AGAP1: variants seen among roughly 807,000 people sequenced by gnomAD.
AGAP1 encodes ArfGAP with GTPase domain, ankyrin repeat and PH domain 1.
In AGAP1, 29 loss-of-function variants were observed where a neutral mutation model predicts 105.3. The ratio of observed to expected loss-of-function variants is 0.28; its 90% CI spans 0.21 to 0.38. The LOEUF is 0.38. Ranked by LOEUF, AGAP1 falls within the 10% of genes least tolerant of loss-of-function variation. The probability of loss-of-function intolerance (pLI) is 1.00; values close to 1 mark genes in which losing one functional copy is unlikely to be tolerated. For missense variants in AGAP1, 998 were observed against 1,165.1 expected, an observed-to-expected ratio of 0.86 and a Z score of 2.09; for synonymous variants, 509 against 485.9, an observed-to-expected ratio of 1.05 and a Z score of -0.63.
At chr2:235,770,834 T>G (rs1008669437) in intron 6 of AGAP1, among the ~76,000 whole-genome samples, 1 of 152,118 alleles carries the variant, frequency 6.6e-6, no homozygotes, top group Non-Finnish European at 1.5e-5. Context: ...AGCAGGAAGA[T>G]GGGGTCCCAA....
Position 235,883,428 on chromosome 2 carries a change from G to T in AGAP1, c.1134G>T (p.Leu378=). 2 of 1,614,088 alleles carry T rather than the reference G, an allele frequency of 1.2e-6. No homozygotes were observed. Among genetic ancestry groups the T allele is most frequent in the South Asian group, 1.1e-5 (1 of 91,064 alleles). The part of the protein sequence containing the change: ...KYVTLCDNGV[L]TYHPSLHDYM... ...TCACCCTGTGTGACAATGGCGTGCT[G>T]ACCTATCATCCCAGTTTACATGTGA... is the stretch of plus-strand genomic sequence containing the variant. Residue 378 remains leucine, a synonymous_variant, in exon 10 of 18, where the codon CTG becomes CTT. Transcript: ENST00000304032. The surrounding 1 kb of genome is among the most constrained non-coding windows in gnomAD (Gnocchi z 4.5).
Position 236,036,412 on chromosome 2 carries a change from A to C in AGAP1, c.1646-149A>C, listed in dbSNP as rs1450009525. On this transcript the variant is annotated intron_variant, in intron 13 of 17. Transcript: ENST00000304032. This position sits in a 1 kb window ranked among gnomAD's most constrained non-coding sequence, Gnocchi z 5.7. Reference sequence around the variant, plus strand: ...ACTGTTGGGAGGTGCATGGATTCAAATCTCCGCCGCCGTGGTTGTCCAGTG... The same window carrying C: ...ACTGTTGGGAGGTGCATGGATTCAACTCTCCGCCGCCGTGGTTGTCCAGTG... 9.5e-7 allele frequency: 1 copy of C among 1,056,872 alleles called. No homozygotes were observed. Among genetic ancestry groups the C allele is most frequent in the Non-Finnish European group, 1.4e-6 (1 of 734,110 alleles). The allele number at this position is 1,056,872 out of a possible 1,614,324, so 65.5% of individuals were successfully genotyped here.
At position 235,557,652 on chromosome 2, in the gene AGAP1, C is replaced by A. The variant is rs1944015052; in HGVS notation, c.163+62803C>A. ...CCTGTCCTAGAACTTTCCCTGCTGT[C>A]TGGATAAGGAAACTGAGGCACAGAG... is the stretch of plus-strand genomic sequence containing the variant. On this transcript the variant is annotated intron_variant, in intron 1 of 17. Transcript: ENST00000304032. This position sits in a 1 kb window ranked among gnomAD's most constrained non-coding sequence, Gnocchi z 4.7. Among the ~76,000 whole-genome samples, 1 of 152,140 alleles carries A rather than the reference C, an allele frequency of 6.6e-6. No homozygotes were observed. The highest frequency in any genetic ancestry group is 2.4e-5 in the African/African-American group (1 of 41,438).
chr2:235,791,738 A>G (rs1007120941), intron 6 of AGAP1, among the ~76,000 whole-genome samples: 2 of 152,058 alleles, frequency 1.3e-5, no homozygotes, highest in Non-Finnish European at 2.9e-5. Context: ...AGTAGAGACA[A>G]GGTTTCACCA....
rs1398850333 is a variant in AGAP1 at position 235,721,681 on chromosome 2, CTGTGCGGTTCTGATTTAATTAGTG to C, written c.310+4043_310+4066del. On this transcript the variant is annotated intron_variant, in intron 3 of 17. Coordinates refer to ENST00000304032, the MANE Select transcript of AGAP1 (RefSeq NM_001037131.3). This position sits in a 1 kb window ranked among gnomAD's most constrained non-coding sequence, Gnocchi z 4.5. ...CTTAGAGGTTGAATCTGTTCTATGT[CTGTGCGGTTCTGATTTAATTAGTG>C]TGTGCATATCCTTTATATTCTAATC... Among the ~76,000 whole-genome samples the C allele has an allele frequency of 6.6e-6, 1 of 152,190 alleles. No homozygotes were observed. The highest frequency in any genetic ancestry group is 1.5e-5 in the Non-Finnish European group (1 of 68,046).
intron 1 of AGAP1, among the ~76,000 whole-genome samples, chr2:235,641,655 C>G (rs1947202549): frequency 6.6e-6 from 1 of 152,214 alleles, no homozygotes; most frequent in African/African-American, 2.4e-5. Context: ...CACATACGTT[C>G]AGTGGCATTA....
At chr2:235,786,659 A>G (rs952048315) in intron 6 of AGAP1, among the ~76,000 whole-genome samples, 2 of 152,224 alleles carry the variant, frequency 1.3e-5, no homozygotes, top group Non-Finnish European at 2.9e-5. Flanking sequence ...TTCAGTTGTA[A>G]TAAGTCCATT....
At position 235,582,603 on chromosome 2, in the gene AGAP1, G is replaced by C. The variant is rs1386076312; in HGVS notation, c.163+87754G>C. Among the ~76,000 whole-genome samples, 1 of 152,204 alleles carries C rather than the reference G, an allele frequency of 6.6e-6. No individual in the cohort carries two copies. Among genetic ancestry groups the C allele is most frequent in the Non-Finnish European group, 1.5e-5 (1 of 68,042 alleles). On this transcript the variant is annotated intron_variant, in intron 1 of 17. Transcript: ENST00000304032. This position sits in a 1 kb window ranked among gnomAD's most constrained non-coding sequence, Gnocchi z 4.7. ...CTCAGATATAAAAGAAGGATTCTTT[G>C]GGGGAGGACCTATAAATATTTCTTA...
chr2:236,099,348 G>A (rs976806347), intron 16 of AGAP1, among the ~76,000 whole-genome samples: 12 of 151,892 alleles, frequency 7.9e-5, no homozygotes, highest in South Asian at 4.2e-4. Context: ...CCAGCTGCTC[G>A]GGAGGCTGAG....
At chr2:235,591,584 G>A (rs1559273004) in intron 1 of AGAP1, among the ~76,000 whole-genome samples, 1 of 152,152 alleles carries the variant, frequency 6.6e-6, no homozygotes, top group African/African-American at 2.4e-5. Context: ...TCAGCCTGAT[G>A]TCACTGATGT....
At chr2:235,592,306 GGGGGGC>G (rs1336657892) in intron 1 of AGAP1, among the ~76,000 whole-genome samples, 8 of 151,530 alleles carry the variant, frequency 5.3e-5, no homozygotes, top group African/African-American at 9.7e-5. Flanking sequence ...GCCATGTTCT[GGGGGGC>G]AGTGAGCAGG....
Position 235,787,446 on chromosome 2 carries a change from A to C in AGAP1, c.674-10313A>C, listed in dbSNP as rs1177508850. Among the ~76,000 whole-genome samples the C allele has an allele frequency of 6.6e-6, 1 of 152,112 alleles. No homozygotes were observed. Among genetic ancestry groups the C allele is most frequent in the Admixed American group, 6.5e-5 (1 of 15,268 alleles). On this transcript the variant is annotated intron_variant, in intron 6 of 17. Coordinates refer to ENST00000304032, the MANE Select transcript of AGAP1 (RefSeq NM_001037131.3). The surrounding 1 kb of genome is among the most constrained non-coding windows in gnomAD (Gnocchi z 4.4). Reference sequence around the variant, plus strand: ...ATAGACACACGCCTCTCTTTATAGCACTTTCTATATCCCACATGCTGCCAC... The same window carrying C: ...ATAGACACACGCCTCTCTTTATAGCCCTTTCTATATCCCACATGCTGCCAC...
intron 1 of AGAP1, among the ~76,000 whole-genome samples, chr2:235,658,500 C>T (rs547422619): frequency 1.3e-5 from 2 of 152,298 alleles, no homozygotes; most frequent in Admixed American, 1.3e-4. Flanking sequence ...CCTGCAGCCT[C>T]CCGGGGGTCG....
rs953477754 is a variant in AGAP1 at position 236,000,147 on chromosome 2, A to G, written c.1645+31524A>G. Among the ~76,000 whole-genome samples, 2 of 152,192 alleles carry G rather than the reference A, an allele frequency of 1.3e-5. No individual in the cohort carries two copies. Among genetic ancestry groups the G allele is most frequent in the Admixed American group, 1.3e-4 (2 of 15,276 alleles). On this transcript the variant is annotated intron_variant, in intron 13 of 17. Transcript: ENST00000304032. This position sits in a 1 kb window ranked among gnomAD's most constrained non-coding sequence, Gnocchi z 4.3. Reference sequence around the variant, plus strand: ...CCTGCAGGCCAGCTTTTGTCTCAACATCACTGGAGAGCTGCATATTACGTT... The same window carrying G: ...CCTGCAGGCCAGCTTTTGTCTCAACGTCACTGGAGAGCTGCATATTACGTT...
At chr2:235,634,099 C>G (rs1458678489) in intron 1 of AGAP1, among the ~76,000 whole-genome samples, 1 of 152,176 alleles carries the variant, frequency 6.6e-6, no homozygotes, top group Admixed American at 6.5e-5. Context: ...ATGGGGGAAG[C>G]GGTAGCTGAG....
rs2051206695 is a variant in AGAP1, at chr2:235,904,445, C to T, written c.1156-4293C>T. On this transcript the variant is annotated intron_variant, in intron 10 of 17. Transcript: ENST00000304032. The surrounding 1 kb of genome is among the most constrained non-coding windows in gnomAD (Gnocchi z 4.2). ...GCTGTTGAGGGGCAGGAGATGGCAC[C>T]TCTGGGGGGCCTGGCTCTTGAGTGG... Among the ~76,000 whole-genome samples, 1 of 152,138 alleles carries T rather than the reference C, an allele frequency of 6.6e-6. No homozygotes were observed.
intron 9 of AGAP1, among the ~76,000 whole-genome samples, chr2:235,810,764 C>CCTGGGT (rs1958091866): frequency 6.6e-6 from 1 of 151,844 alleles, no homozygotes; most frequent in Non-Finnish European, 1.5e-5. Context: ...TTCTTGTGGA[C>CCTGGGT]CTGGGTCTAC....
At chr2:235,524,517 G>A (rs62191529) in intron 1 of AGAP1, 152,394 of 334,278 alleles carry the variant, frequency 0.46, 36,446 homozygotes, top group Admixed American at 0.55. Flanking sequence ...GACAGGCCAC[G>A]GGGCTGCACC....
chr2:235,857,108 C>A (rs1287223187), intron 9 of AGAP1, among the ~76,000 whole-genome samples: 1 of 152,168 alleles, frequency 6.6e-6, no homozygotes, highest in Non-Finnish European at 1.5e-5. Flanking sequence ...AGCCTGGTAC[C>A]AGTCTGTGGC....
Sources: allele counts gnomAD v4.1 joint callset (sites outside exome capture counted in the v4.1 genomes callset), GRCh38; gene constraint gnomAD v4.1.1; non-coding constraint Gnocchi (gnomAD v3.1); transcripts MANE v1.5; gene names NCBI Gene and HGNC (gene_info 2026-07-23, HGNC 2026-07-21).